Variants in ZNF227 observed in about 807,000 individuals in gnomAD.
ZNF227 encodes the protein zinc finger protein 227.
A neutral mutation model predicts 13.2 loss-of-function variants in ZNF227; 12 were observed. That is an observed-to-expected ratio of 0.91 (90% CI 0.58 to 1.47). ZNF227 has a LOEUF of 1.47. Ranked by LOEUF, ZNF227 falls within the 40% of genes most tolerant of loss-of-function variation. ZNF227 has a pLI of 0.00. For missense variants in ZNF227, 885 were observed against 967.5 expected (o/e 0.91, Z 1.13); for synonymous variants, 338 against 326.0 (o/e 1.04, Z -0.40).
At chr19:44,231,193 C>A (rs1266156656) in intron 5 of ZNF227, among the ~76,000 whole-genome samples, 1 of 151,682 alleles carries the variant, frequency 6.6e-6, no homozygotes, top group Non-Finnish European at 1.5e-5. Context: ...TGGCTCACTG[C>A]AACCTCTGCC....
In ZNF227 at chr19:44,234,741, T is replaced by A; in HGVS notation, c.311T>A (p.Phe104Tyr). 6.3e-7 allele frequency: 1 copy of A among 1,598,574 alleles called. No individual in the cohort carries two copies. The highest frequency in any genetic ancestry group is 8.5e-7 in the Non-Finnish European group (1 of 1,176,214). Residue 104 changes from phenylalanine (F) to tyrosine (Y), a missense_variant, in exon 6 of 6, where the codon TTT becomes TAT. Coordinates refer to ENST00000313040, the MANE Select transcript of ZNF227 (RefSeq NM_182490.3). ...AATAAGATGGAAACACTCCAAAAAT[T>A]TGCATTAAAATACCTTTCAAATCAA... The part of the protein sequence containing the change: ...HQNKMETLQK[F>Y]ALKYLSNQEL...
intron 2 of ZNF227, among the ~76,000 whole-genome samples, chr19:44,216,721 T>C (rs1386653512): frequency 2.0e-5 from 3 of 152,154 alleles, no homozygotes; most frequent in African/African-American, 7.2e-5. Flanking sequence ...TTTTTCTCTG[T>C]GCACATAAAA....
chr19:44,209,626 G>A (rs1255829545), upstream of ZNF227, among the ~76,000 whole-genome samples: 1 of 151,622 alleles, frequency 6.6e-6, no homozygotes, highest in East Asian at 1.9e-4. Flanking sequence ...TCGCTCTGTC[G>A]CCCAGGCTGG....
Position 44,235,680 on chromosome 19 carries a change from TCACTCAGGCTG to T in ZNF227, c.1254_1264del (p.Gln419PhefsTer17). 7 of 1,614,092 alleles carry T rather than the reference TCACTCAGGCTG, an allele frequency of 4.3e-6. No homozygotes were observed. The highest frequency in any genetic ancestry group is 5.9e-6 in the Non-Finnish European group (7 of 1,180,024). The stretch of plus-strand genomic sequence containing the variant: ...AAATGTGAGGAATGTGGTAAGGGCT[TCACTCAGGCTG>T]CACATTTTCACATCCATCAGAGAGT... On this transcript the variant is annotated frameshift_variant, in exon 6 of 6. Transcript: ENST00000313040. LOFTEE classifies it low-confidence loss of function (END_TRUNC).
At chr19:44,227,587 T>C (rs1332357492) in intron 3 of ZNF227, among the ~76,000 whole-genome samples, 1 of 152,198 alleles carries the variant, frequency 6.6e-6, no homozygotes, top group Non-Finnish European at 1.5e-5. Context: ...GGTCTCACTC[T>C]GTTGCCCAGG....
chr19:44,227,999 C>T (rs751997562), intron 3 of ZNF227, among the ~76,000 whole-genome samples: 20 of 152,116 alleles, frequency 1.3e-4, no homozygotes, highest in Admixed American at 5.2e-4. Flanking sequence ...GAGGCCAAGG[C>T]GGGCAGATCA....
upstream of ZNF227, among the ~76,000 whole-genome samples, chr19:44,210,160 T>A (rs1241167501): frequency 6.6e-6 from 1 of 152,246 alleles, no homozygotes; most frequent in East Asian, 1.9e-4. Flanking sequence ...TTTGGTGGGA[T>A]GCATTTGCAT....
At position 44,229,836 on chromosome 19, in the gene ZNF227, C is replaced by T; in HGVS notation, c.271+20C>T. 3 of 1,518,330 alleles carry T rather than the reference C, an allele frequency of 2.0e-6. No homozygotes were observed. The highest frequency in any genetic ancestry group is 1.8e-6 in the Non-Finnish European group (2 of 1,119,842). The allele number at this position is 1,518,330 out of a possible 1,614,324, so 94.1% of individuals were successfully genotyped here. A position where few individuals can be genotyped will look rare whatever the true frequency, so the allele number is the denominator to read the frequency against. ...AAAGAAGTAGGTATTCTGGTGAGAA[C>T]CCTGTGTCTGTTCTTTCAGGTACTG... is the stretch of plus-strand genomic sequence containing the variant. On this transcript the variant is annotated intron_variant, in intron 5 of 5. Coordinates refer to ENST00000313040, the MANE Select transcript of ZNF227 (RefSeq NM_182490.3).
intron 3 of ZNF227, among the ~76,000 whole-genome samples, chr19:44,218,230 C>T (rs1277757120): frequency 6.6e-6 from 1 of 152,196 alleles, no homozygotes; most frequent in Non-Finnish European, 1.5e-5. Context: ...CATTGAATTG[C>T]AGTGCCCTTA....
intron 3 of ZNF227, 90 bp from the exon 4 acceptor site, chr19:44,228,356 T>G: frequency 6.8e-7 from 1 of 1,479,834 alleles, no homozygotes; most frequent in Non-Finnish European, 9.1e-7. Flanking sequence ...TATAACAACT[T>G]TTTTGTGGTG....
chr19:44,214,055 A>G (rs191804976), intron 2 of ZNF227, among the ~76,000 whole-genome samples: 21 of 152,336 alleles, frequency 1.4e-4, no homozygotes, highest in Non-Finnish European at 2.8e-4. Context: ...GCTCATTGAT[A>G]ATTTTTTGTA....
chr19:44,229,131 G>A (rs1346920043), intron 4 of ZNF227: 1 of 152,804 alleles, frequency 6.5e-6, no homozygotes, highest in Non-Finnish European at 1.5e-5. Flanking sequence ...CTTCTTATCA[G>A]GAACTGCTCA....
chr19:44,235,447 T>C lies in ZNF227; in HGVS notation c.1017T>C (p.Leu339=). 6.2e-7 allele frequency: 1 copy of C among 1,614,124 alleles called. No individual in the cohort carries two copies. Among genetic ancestry groups the C allele is most frequent in the South Asian group, 1.1e-5 (1 of 91,080 alleles). Residue 339 remains leucine, a synonymous_variant, in exon 6 of 6, where the codon CTT becomes CTC. Coordinates refer to ENST00000313040, the MANE Select transcript of ZNF227 (RefSeq NM_182490.3). The stretch of plus-strand genomic sequence containing the variant: ...AGGGATTCAGTAGCAGCACGGGTCT[T>C]ATCATTCATTACAGAACTCATACTG... The part of the protein sequence containing the change: ...CGKGFSSSTG[L]IIHYRTHTGE...
chr19:44,215,710 AG>A (rs1281937453), intron 2 of ZNF227, among the ~76,000 whole-genome samples: 1 of 152,086 alleles, frequency 6.6e-6, no homozygotes, highest in East Asian at 1.9e-4. Flanking sequence ...AGATGGGGCC[AG>A]GTGCGGTGGC....
intron 2 of ZNF227, among the ~76,000 whole-genome samples, chr19:44,216,009 A>AT (rs1414459520): frequency 7.4e-6 from 1 of 135,286 alleles, no homozygotes; most frequent in African/African-American, 2.9e-5. Flanking sequence ...AAAAAAAAAA[A>AT]AGATGTACCT....
intron 5 of ZNF227, among the ~76,000 whole-genome samples, chr19:44,231,596 G>C (rs1158009801): frequency 6.6e-6 from 1 of 152,160 alleles, no homozygotes; most frequent in African/African-American, 2.4e-5. Context: ...CTCCCAAAAT[G>C]CTGGGATTAC....
At position 44,236,686 on chromosome 19, in the gene ZNF227, C is replaced by T; in HGVS notation, c.2256C>T (p.Gly752=). 1 of 1,614,112 alleles carries T rather than the reference C, an allele frequency of 6.2e-7. No homozygotes were observed. Among genetic ancestry groups the T allele is most frequent in the African/African-American group, 1.3e-5 (1 of 74,994 alleles). The change falls in exon 6 of 6, where the codon GGC becomes GGT. Residue 752 remains glycine (G), a synonymous_variant. Coordinates refer to ENST00000313040, the MANE Select transcript of ZNF227 (RefSeq NM_182490.3). The stretch of plus-strand genomic sequence containing the variant: ...TTAAATGTGAAGAGTGTGGTAAAGG[C>T]TTCAGTCAGAGTGCACGTCTTGAAG... ...KLFKCEECGK[G]FSQSARLEAH... is the part of the protein sequence containing the mutation.
intron 2 of ZNF227, among the ~76,000 whole-genome samples, chr19:44,215,989 T>TA (rs1276832695): frequency 0.016 from 603 of 36,746 alleles, 10 homozygotes; most frequent in South Asian, 0.028. Context: ...ACTCTCTCTC[T>TA]AAAAAAAAAA....
intron 5 of ZNF227, among the ~76,000 whole-genome samples, chr19:44,230,066 A>G (rs1336150300): frequency 1.3e-5 from 2 of 152,088 alleles, no homozygotes; most frequent in Middle Eastern, 3.4e-3. Context: ...CCCAGGCTGG[A>G]GTGCAGCAGC....
Sources: gnomAD v4.1 joint callset for allele counts (sites outside exome capture counted in the v4.1 genomes callset) on GRCh38, gnomAD v4.1.1 for gene constraint, MANE v1.5 for transcripts, NCBI Gene and HGNC (gene_info 2026-07-23, HGNC 2026-07-21) for gene names.